The following LRRTM4 variants were observed in gnomAD, a reference collection of about 807,000 sequenced individuals.
The protein encoded by LRRTM4 is leucine rich repeat transmembrane neuronal 4.
In LRRTM4, 25 loss-of-function variants were observed where a neutral mutation model predicts 47.6. The ratio of observed to expected loss-of-function variants is 0.53; its 90% CI spans 0.38 to 0.73. The LOEUF (loss-of-function observed/expected upper bound fraction) is 0.73, where lower values mean the gene tolerates loss of function less well. LRRTM4 is among the 30% of genes least tolerant of loss of function. LRRTM4 has a pLI of 0.00. For missense variants in LRRTM4, 638 were observed against 713.4 expected, an observed-to-expected ratio of 0.89 and a Z score of 1.20; for synonymous variants, 311 against 269.5, an observed-to-expected ratio of 1.15 and a Z score of -1.51.
At chr2:76,900,290 C>G (rs533405133) in intron 3 of LRRTM4, among the ~76,000 whole-genome samples, 2 of 151,642 alleles carry the variant, frequency 1.3e-5, no homozygotes, top group Non-Finnish European at 2.9e-5. Flanking sequence ...TACTAGTAGA[C>G]GTATAGAGTG....
chr2:77,481,201 G>A (rs1030556206), intron 3 of LRRTM4, among the ~76,000 whole-genome samples: 89 of 152,236 alleles, frequency 5.8e-4, no homozygotes, highest in Non-Finnish European at 2.9e-4. Context: ...ACTGTTATGT[G>A]TGTTAGCTCA....
chr2:77,005,550 C>A (rs1223015835), intron 3 of LRRTM4, among the ~76,000 whole-genome samples: 1 of 152,124 alleles, frequency 6.6e-6, no homozygotes, highest in East Asian at 1.9e-4. Flanking sequence ...TTGTAATAAT[C>A]CCCACATGTC....
At chr2:77,081,621 A>G (rs182847661) in intron 3 of LRRTM4, among the ~76,000 whole-genome samples, 10 of 152,204 alleles carry the variant, frequency 6.6e-5, no homozygotes, top group African/African-American at 2.2e-4. Context: ...CTTCCCAAAA[A>G]ATGGCAAGTA....
intron 3 of LRRTM4, among the ~76,000 whole-genome samples, chr2:77,463,522 A>T (rs977848324): frequency 3.3e-5 from 5 of 152,132 alleles, no homozygotes; most frequent in Non-Finnish European, 5.9e-5. Flanking sequence ...TATGGAACAT[A>T]TTTAGAGTTT....
chr2:77,500,341 G>GA (rs145619953), intron 3 of LRRTM4, among the ~76,000 whole-genome samples: 3 of 151,488 alleles, frequency 2.0e-5, no homozygotes, highest in East Asian at 3.9e-4. Flanking sequence ...GGAATAATGG[G>GA]AAAAAATGTA....
At chr2:77,487,306 C>T (rs1677956330) in intron 3 of LRRTM4, among the ~76,000 whole-genome samples, 1 of 152,228 alleles carries the variant, frequency 6.6e-6, no homozygotes, top group Non-Finnish European at 1.5e-5. Context: ...CCTCTGCAGG[C>T]TTGAAAGTAC....
intron 3 of LRRTM4, among the ~76,000 whole-genome samples, chr2:76,845,529 G>T (rs946382528): frequency 6.6e-6 from 1 of 152,112 alleles, no homozygotes; most frequent in Non-Finnish European, 1.5e-5. Context: ...TCCAGGGAGG[G>T]AGGCAGGCCT....
In LRRTM4 at chr2:77,518,425, G is replaced by C. The variant is rs751743214; in HGVS notation, c.1444C>G (p.Gln482Glu). The C allele has an allele frequency of 8.1e-6, 13 of 1,613,212 alleles. No homozygotes were observed. The highest frequency in any genetic ancestry group is 1.1e-5 in the Non-Finnish European group (13 of 1,179,544). The change falls in exon 3 of 4, where the codon CAG (glutamine) becomes GAG (glutamate). Residue 482 changes from glutamine (Q) to glutamate (E), a missense_variant. Coordinates refer to ENST00000409884, the MANE Select transcript of LRRTM4 (RefSeq NM_001134745.3). Reference sequence around the variant, plus strand: ...GGCTTGTAGTCCACATAATACTCCTGTAAAGGGGAATTCATTTGTCTTTCA... The same window carrying C: ...GGCTTGTAGTCCACATAATACTCCTCTAAAGGGGAATTCATTTGTCTTTCA... ...ESERQMNSPL[Q>E]EYYVDYKPTN...
intron 3 of LRRTM4, among the ~76,000 whole-genome samples, chr2:77,352,654 C>A (rs1328808258): frequency 5.9e-5 from 9 of 151,994 alleles, no homozygotes. Context: ...TACAGAAATC[C>A]CTTAAGCCAC....
intron 3 of LRRTM4, among the ~76,000 whole-genome samples, chr2:76,994,185 G>A (rs748271343): frequency 2.6e-5 from 4 of 151,664 alleles, no homozygotes; most frequent in Non-Finnish European, 4.4e-5. Context: ...TGAGTGACAG[G>A]ATTAGTTGTA....
Position 76,963,909 on chromosome 2 carries a change from C to G in LRRTM4, c.1552-214993G>C, listed in dbSNP as rs1350183978. Among the ~76,000 whole-genome samples, 4 of 150,570 alleles carry G rather than the reference C, an allele frequency of 2.7e-5. No homozygotes were observed. The East Asian group carries it at 7.8e-4, about 29-fold the overall frequency. ...AAAATTTCATTTTTATATTAAATTT[C>G]TGAAAGTATATTACACAAAACATGT... On this transcript the variant is annotated intron_variant, in intron 3 of 3. Coordinates refer to ENST00000409884, the MANE Select transcript of LRRTM4 (RefSeq NM_001134745.3).
At chr2:76,911,950 G>GA (rs1674078803) in intron 3 of LRRTM4, among the ~76,000 whole-genome samples, 2 of 83,116 alleles carry the variant, frequency 2.4e-5, no homozygotes, top group African/African-American at 8.5e-5. Context: ...GGGGGGGGGG[G>GA]ACAGAGTCTC....
At chr2:77,516,224 C>T (rs1334633359) in intron 3 of LRRTM4, among the ~76,000 whole-genome samples, 2 of 151,818 alleles carry the variant, frequency 1.3e-5, no homozygotes, top group Non-Finnish European at 2.9e-5. Context: ...AATACTAGTG[C>T]AATTTCATGA....
At chr2:77,096,790 AATT>A (rs1000645133) in intron 3 of LRRTM4, among the ~76,000 whole-genome samples, 4 of 151,728 alleles carry the variant, frequency 2.6e-5, no homozygotes, top group African/African-American at 9.7e-5. Flanking sequence ...AAGGAGGAAT[AATT>A]AAAAACACAA....
At position 77,049,123 on chromosome 2, in the gene LRRTM4, T is replaced by C. The variant is rs1341506652; in HGVS notation, c.1552-300207A>G. Among the ~76,000 whole-genome samples the C allele has an allele frequency of 1.5e-3, 63 of 40,682 alleles. 1 individual carries two copies. The highest frequency in any genetic ancestry group is 3.2e-3 in the South Asian group (4 of 1,248). 26.7% of individuals were successfully genotyped at this position (40,682 alleles called of 152,430 possible). A position where few individuals can be genotyped will look rare whatever the true frequency, so the allele number is the denominator to read the frequency against. ...TTTGACTAAATAATATTTCATTTTT[T>C]ATATATATATATATATATATATATA... On this transcript the variant is annotated intron_variant, in intron 3 of 3. Coordinates refer to ENST00000409884, the MANE Select transcript of LRRTM4 (RefSeq NM_001134745.3).
At chr2:76,891,845 G>T (rs918703484) in intron 3 of LRRTM4, among the ~76,000 whole-genome samples, 32 of 151,444 alleles carry the variant, frequency 2.1e-4, no homozygotes, top group African/African-American at 7.7e-4. Flanking sequence ...ATGCAAAAAA[G>T]ATAAAAGATT....
chr2:77,295,232 C>T (rs1676937249), intron 3 of LRRTM4, among the ~76,000 whole-genome samples: 1 of 151,998 alleles, frequency 6.6e-6, no homozygotes, highest in African/African-American at 2.4e-5. Context: ...AAGAACACAC[C>T]TACAGTACCC....
intron 3 of LRRTM4, among the ~76,000 whole-genome samples, chr2:76,816,819 G>GTTGTT (rs1670910659): frequency 7.3e-5 from 7 of 96,526 alleles, no homozygotes; most frequent in African/African-American, 1.9e-4. Context: ...GAGGTAAAGA[G>GTTGTT]TTTTTTTTTT....
chr2:77,518,126 A>AT (rs201541858), intron 3 of LRRTM4, 192 bp downstream of exon 3: 574 of 1,260,680 alleles, frequency 4.6e-4, no homozygotes, highest in Middle Eastern at 1.8e-3. Context: ...AGTTTCAACC[A>AT]TTTAAAAAAA....
Sources: gnomAD v4.1 joint callset for allele counts (sites outside exome capture counted in the v4.1 genomes callset) on GRCh38, gnomAD v4.1.1 for gene constraint, MANE v1.5 for transcripts, NCBI Gene and HGNC (gene_info 2026-07-23, HGNC 2026-07-21) for gene names.